The following KDM1A variants were observed in gnomAD, a reference collection of about 807,000 sequenced individuals.
KDM1A encodes lysine demethylase 1A.
A neutral mutation model predicts 109.4 loss-of-function variants in KDM1A; 49 were observed. That is an observed-to-expected ratio of 0.45 (90% confidence interval 0.36 to 0.57). The LOEUF is 0.57. Ranked by LOEUF, KDM1A falls within the 20% of genes least tolerant of loss-of-function variation. KDM1A has a pLI of 0.00. For missense variants in KDM1A, 668 were observed against 1,116.6 expected (o/e 0.60, Z 5.73); for synonymous variants, 380 against 415.4 (o/e 0.91, Z 1.04).
chr1:23,071,569 A>C (rs1375667353), intron 13 of KDM1A, among the ~76,000 whole-genome samples: 4 of 152,232 alleles, frequency 2.6e-5, no homozygotes, highest in African/African-American at 9.6e-5. Context: ...CTGTCTTAAT[A>C]ATCTCATCAT....
At chr1:23,063,963 C>A (rs553211651) in intron 9 of KDM1A, among the ~76,000 whole-genome samples, 81 of 152,360 alleles carry the variant, frequency 5.3e-4, no homozygotes, top group African/African-American at 1.7e-3. Flanking sequence ...ACATGGCTCA[C>A]TGTTGCCTTG....
chr1:23,079,253 G>T lies in KDM1A; in HGVS notation c.2055+76G>T. 6.7e-7 allele frequency: 1 copy of T among 1,482,590 alleles called. No homozygotes were observed. Among genetic ancestry groups the T allele is most frequent in the Non-Finnish European group, 9.2e-7 (1 of 1,091,088 alleles). 91.8% of individuals were successfully genotyped at this position (1,482,590 alleles called of 1,614,324 possible). On this transcript the variant is annotated intron_variant, in intron 17 of 20. Coordinates refer to ENST00000400181, the MANE Select transcript of KDM1A (RefSeq NM_001009999.3). This position sits in a 1 kb window ranked among gnomAD's most constrained non-coding sequence, Gnocchi z 5.6. Reference sequence around the variant, plus strand: ...TCTTCGTTGTTTACTTGGTGAGGAGGTGGCCTTGCATTTTTGGGCATTTGG... The same window carrying T: ...TCTTCGTTGTTTACTTGGTGAGGAGTTGGCCTTGCATTTTTGGGCATTTGG...
intron 12 of KDM1A, among the ~76,000 whole-genome samples, chr1:23,070,757 G>A (rs10917348): frequency 0.04 from 6,040 of 151,784 alleles, 410 homozygotes; most frequent in African/African-American, 0.14. Flanking sequence ...GCAGTGAGCC[G>A]AGATGGTGCC....
intron 2 of KDM1A, among the ~76,000 whole-genome samples, chr1:23,041,318 CTTAAT>C (rs937538191): frequency 1.7e-4 from 25 of 150,340 alleles, no homozygotes; most frequent in African/African-American, 6.1e-4. Context: ...TAACTTGTTT[CTTAAT>C]TTAATTTTAA....
rs559965649 is a variant in KDM1A, at chr1:23,071,012, T to C, written c.1414-213T>C. On this transcript the variant is annotated intron_variant, in intron 12 of 20. Transcript: ENST00000400181. ...TGATCTTACTTATCAGATAGAGTTG[T>C]GGTACCTTTATGTCAAGCCCTATAA... Among the ~76,000 whole-genome samples, 6 of 152,336 alleles carry C rather than the reference T, an allele frequency of 3.9e-5. No homozygotes were observed. In the South Asian group the frequency reaches 1.0e-3, roughly 26 times the overall value.
intron 10 of KDM1A, among the ~76,000 whole-genome samples, chr1:23,066,902 C>T (rs1303828409): frequency 1.3e-5 from 2 of 152,224 alleles, no homozygotes; most frequent in Non-Finnish European, 2.9e-5. Flanking sequence ...CTGCATATGA[C>T]CATCACATAT....
intron 4 of KDM1A, among the ~76,000 whole-genome samples, chr1:23,052,168 G>A (rs1158182797): frequency 6.6e-6 from 1 of 152,182 alleles, no homozygotes; most frequent in Non-Finnish European, 1.5e-5. Flanking sequence ...TTGGGGAAGG[G>A]TTTCCCGATG....
At chr1:23,057,681 G>C in intron 8 of KDM1A, 116 bp downstream of exon 8, 1 of 719,918 alleles carries the variant, frequency 1.4e-6, no homozygotes. Context: ...CTTCCGTTTA[G>C]TGAGAGGTAT....
intron 16 of KDM1A, 24 bp from the exon 17 acceptor site, chr1:23,078,966 T>G (rs551428737): frequency 1.2e-6 from 2 of 1,603,762 alleles, no homozygotes; most frequent in South Asian, 2.2e-5. Flanking sequence ...TCACCACTAG[T>G]CTTTTCCCAC....
Position 23,081,452 on chromosome 1 carries a change from T to A in KDM1A, c.2177T>A (p.Ile726Lys). The A allele has an allele frequency of 6.2e-7, 1 of 1,614,168 alleles. No homozygotes were observed. Among genetic ancestry groups the A allele is most frequent in the Non-Finnish European group, 8.5e-7 (1 of 1,179,986 alleles). Residue 726 changes from isoleucine to lysine, a missense_variant, in exon 19 of 21, where the codon ATA becomes AAA. This residue lies in a region of KDM1A where 162 missense variants were observed against 376.4 expected (regional missense o/e 0.43). Transcript: ENST00000400181. The stretch of plus-strand genomic sequence containing the variant: ...ATCCTTTCTGTTTCCCCAGCTCCAA[T>A]ACTGTTGGCACTAGTGGCAGGAGAA... ...FLFWNLYKAP[I>K]LLALVAGEAA... is the part of the protein sequence containing the mutation.
chr1:23,070,590 C>T (rs974005261), intron 12 of KDM1A, among the ~76,000 whole-genome samples: 2 of 152,010 alleles, frequency 1.3e-5, no homozygotes, highest in Admixed American at 6.6e-5. Flanking sequence ...GGGCAGATCA[C>T]GAGGTCAAGA....
At chr1:23,035,126 G>A (rs967859893) in intron 2 of KDM1A, among the ~76,000 whole-genome samples, 9 of 152,164 alleles carry the variant, frequency 5.9e-5, no homozygotes, top group African/African-American at 2.2e-4. Flanking sequence ...TGTACCAGAG[G>A]AAGCCCTCTT....
intron 1 of KDM1A, 120 bp downstream of exon 1, chr1:23,020,067 A>T: frequency 9.2e-7 from 1 of 1,084,000 alleles, no homozygotes; most frequent in Non-Finnish European, 1.2e-6. Flanking sequence ...CTCCCCTTGT[A>T]TCGCTGCGCA....
chr1:23,045,699 C>T (rs951718780), intron 3 of KDM1A, among the ~76,000 whole-genome samples: 3 of 151,512 alleles, frequency 2.0e-5, no homozygotes, highest in African/African-American at 7.3e-5. Flanking sequence ...ACTATTTGCT[C>T]TTTTGCATTA....
intron 11 of KDM1A, among the ~76,000 whole-genome samples, 188 bp from the exon 12 acceptor site, chr1:23,068,873 T>A (rs1442295122): frequency 3.3e-5 from 5 of 152,240 alleles, no homozygotes; most frequent in Non-Finnish European, 5.9e-5. Flanking sequence ...CTTCTAAAAT[T>A]CAGTGCTTTT....
intron 3 of KDM1A, 106 bp downstream of exon 3, chr1:23,044,592 G>A (rs1409661875): frequency 4.3e-6 from 4 of 938,316 alleles, no homozygotes; most frequent in Non-Finnish European, 4.7e-6. Context: ...AGCCAGAAGC[G>A]CAGGTGAAAT....
At chr1:23,082,510 G>C (rs1007704263) in intron 20 of KDM1A, 144 bp downstream of exon 20, 1 of 738,208 alleles carries the variant, frequency 1.4e-6, no homozygotes, top group Non-Finnish European at 2.0e-6. Flanking sequence ...AAAAGGATGG[G>C]CAGCATTTCT....
chr1:23,041,507 A>G (rs1642333551), intron 2 of KDM1A, among the ~76,000 whole-genome samples: 1 of 131,832 alleles, frequency 7.6e-6, no homozygotes, highest in African/African-American at 2.9e-5. Flanking sequence ...CAGTGGTGCA[A>G]TCTCGGCTCA....
At chr1:23,042,521 C>T (rs1166010538) in intron 2 of KDM1A, among the ~76,000 whole-genome samples, 3 of 115,638 alleles carry the variant, frequency 2.6e-5, no homozygotes, top group Non-Finnish European at 3.3e-5. Flanking sequence ...GGCGGGATCT[C>T]GGCTCACTGC....
Sources: gnomAD v4.1 joint callset for allele counts (sites outside exome capture counted in the v4.1 genomes callset) on GRCh38, gnomAD v4.1.1 for gene constraint, gnomAD v4.1.1 regional missense constraint, Gnocchi (gnomAD v3.1) non-coding constraint, MANE v1.5 for transcripts, NCBI Gene and HGNC (gene_info 2026-07-23, HGNC 2026-07-21) for gene names.